EML1: variants seen among roughly 807,000 people sequenced by gnomAD.
EML1 encodes the protein echinoderm microtubule-associated protein-like 1.
A neutral mutation model predicts 110.4 loss-of-function variants in EML1; 27 were observed. That is an observed-to-expected ratio of 0.24 (90% CI 0.18 to 0.34). EML1 has a LOEUF of 0.34. Among genes scored for constraint, EML1 ranks in the 10% least tolerant of loss-of-function variants. The pLI, the probability that EML1 is intolerant of heterozygous loss-of-function variation, is 1.00. For missense variants in EML1, 741 were observed against 1,030.9 expected, an observed-to-expected ratio of 0.72 and a Z score of 3.85; for synonymous variants, 344 against 385.8, an observed-to-expected ratio of 0.89 and a Z score of 1.27.
rs2058722729 is a variant in EML1 at position 99,847,335 on chromosome 14, CT to C, written c.68-3517del. ...CGGTTTATAGTGTTGTTCAAATATT[CT>C]ATGTCTGTACTGGTTTTTTGTTTGT... On this transcript the variant is annotated intron_variant, in intron 1 of 21. Coordinates refer to ENST00000262233, the MANE Select transcript of EML1 (RefSeq NM_004434.3). Among the ~76,000 whole-genome samples the C allele has an allele frequency of 3.9e-5, 6 of 152,056 alleles. 1 individual carries two copies. Among genetic ancestry groups the C allele is most frequent in the African/African-American group, 1.2e-4 (5 of 41,416 alleles).
At chr14:99,817,539 A>G (rs2058189437) in intron 1 of EML1, among the ~76,000 whole-genome samples, 1 of 152,188 alleles carries the variant, frequency 6.6e-6, no homozygotes, top group South Asian at 2.1e-4. Flanking sequence ...GGTGTCACAC[A>G]ACGACAAAGG....
chr14:99,924,496 A>G (rs2060198007), intron 17 of EML1, among the ~76,000 whole-genome samples: 1 of 152,248 alleles, frequency 6.6e-6, no homozygotes, highest in Non-Finnish European at 1.5e-5. Context: ...CAATAATAAT[A>G]AAGTAGAACA....
chr14:99,835,994 G>C (rs1300925077), intron 1 of EML1, among the ~76,000 whole-genome samples: 1 of 152,122 alleles, frequency 6.6e-6, no homozygotes, highest in Non-Finnish European at 1.5e-5. Context: ...CTCTTCTTCA[G>C]TTTTGTGTTG....
chr14:99,910,447 T>A, intron 12 of EML1, 106 bp downstream of exon 12: 1 of 875,798 alleles, frequency 1.1e-6, no homozygotes. Context: ...AGGAGTAGGA[T>A]GAAATTTCAA....
intron 19 of EML1, among the ~76,000 whole-genome samples, chr14:99,937,245 T>A (rs2060491815): frequency 6.6e-6 from 1 of 152,046 alleles, no homozygotes; most frequent in African/African-American, 2.4e-5. Flanking sequence ...CCGTCTCACC[T>A]CCTCCCTGTC....
intron 13 of EML1, among the ~76,000 whole-genome samples, chr14:99,912,262 C>T (rs1221776194): frequency 2.0e-5 from 3 of 152,142 alleles, no homozygotes; most frequent in Non-Finnish European, 2.9e-5. Context: ...GTATCTACTT[C>T]GTACATGGCC....
chr14:99,791,874 T>C (rs542278518), upstream of EML1, among the ~76,000 whole-genome samples: 1 of 152,332 alleles, frequency 6.6e-6, no homozygotes, highest in African/African-American at 2.4e-5. Flanking sequence ...TCCAGTCTTA[T>C]TTCCCACTTG....
At chr14:99,897,913 T>C (rs2059698631) in intron 7 of EML1, among the ~76,000 whole-genome samples, 1 of 152,220 alleles carries the variant, frequency 6.6e-6, no homozygotes, top group African/African-American at 2.4e-5. Context: ...GTATCTTTCC[T>C]ATTTATGTAC....
chr14:99,933,029 T>A (rs1209153598), intron 17 of EML1, among the ~76,000 whole-genome samples: 2 of 150,988 alleles, frequency 1.3e-5, no homozygotes, highest in Non-Finnish European at 3.0e-5. Context: ...ATGGCAGGAG[T>A]CGAGGAGGTC....
intron 8 of EML1, among the ~76,000 whole-genome samples, chr14:99,898,851 T>C (rs1595452667): frequency 6.6e-6 from 1 of 152,264 alleles, no homozygotes; most frequent in East Asian, 1.9e-4. Flanking sequence ...AACAAAGAAT[T>C]CGCTAATTCT....
intron 2 of EML1, among the ~76,000 whole-genome samples, chr14:99,855,474 A>G (rs3783322): frequency 0.37 from 56,655 of 152,018 alleles, 10,693 homozygotes; most frequent in South Asian, 0.5. Flanking sequence ...TTGGAGTTCA[A>G]TCAATCCATT....
At chr14:99,931,307 G>A (rs904278562) in intron 17 of EML1, among the ~76,000 whole-genome samples, 1 of 145,878 alleles carries the variant, frequency 6.9e-6, no homozygotes, top group Non-Finnish European at 1.5e-5. Context: ...AAGCATGCAA[G>A]GATTTCTGTC....
chr14:99,895,170 A>G (rs1243985554), intron 6 of EML1, among the ~76,000 whole-genome samples: 2 of 152,120 alleles, frequency 1.3e-5, no homozygotes, highest in Non-Finnish European at 2.9e-5. Context: ...AATAGTAGTT[A>G]GAAATATATA....
intron 1 of EML1, among the ~76,000 whole-genome samples, chr14:99,818,508 C>T (rs560864114): frequency 1.3e-5 from 2 of 152,218 alleles, no homozygotes; most frequent in Admixed American, 6.5e-5. Flanking sequence ...GATGGCTGCA[C>T]GGTGGTGCTT....
chr14:99,889,594 G>A (rs557832346), intron 4 of EML1, among the ~76,000 whole-genome samples: 16 of 152,306 alleles, frequency 1.1e-4, no homozygotes, highest in South Asian at 6.2e-4. Flanking sequence ...ACATGAATCC[G>A]TACGCACGGC....
rs2060536367 is a variant in EML1, at chr14:99,939,364, T to A, written c.2322+37T>A. The A allele has an allele frequency of 6.2e-7, 1 of 1,612,890 alleles. No individual in the cohort carries two copies. Among genetic ancestry groups the A allele is most frequent in the East Asian group, 2.2e-5 (1 of 44,878 alleles). ...GTTTCTTCACTAATCTTATCCCCCA[T>A]GGGGCATGCACGTACACCCGACCTG... On this transcript the variant is annotated intron_variant, in intron 21 of 21. Coordinates refer to ENST00000262233, the MANE Select transcript of EML1 (RefSeq NM_004434.3). This position sits in a 1 kb window ranked among gnomAD's most constrained non-coding sequence, Gnocchi z 4.2.
chr14:99,741,238 G>C (rs2057038562), intron 1 of EML1, among the ~76,000 whole-genome samples: 1 of 152,210 alleles, frequency 6.6e-6, no homozygotes, highest in South Asian at 2.1e-4. Context: ...CCAGCAGAGT[G>C]ACCCTGTCTC....
At chr14:99,808,835 T>A (rs2058025350) in intron 1 of EML1, among the ~76,000 whole-genome samples, 1 of 152,220 alleles carries the variant, frequency 6.6e-6, no homozygotes. Context: ...CTTTCTAATA[T>A]TTTACAGTTT....
intron 1 of EML1, among the ~76,000 whole-genome samples, chr14:99,754,773 G>T (rs1442048789): frequency 6.6e-6 from 1 of 152,174 alleles, no homozygotes; most frequent in Non-Finnish European, 1.5e-5. Context: ...CACCTATAAC[G>T]TGGGATGAGG....
Sources: gnomAD v4.1 joint callset for allele counts (sites outside exome capture counted in the v4.1 genomes callset) on GRCh38, gnomAD v4.1.1 for gene constraint, Gnocchi (gnomAD v3.1) non-coding constraint, MANE v1.5 for transcripts, NCBI Gene and HGNC (gene_info 2026-07-23, HGNC 2026-07-21) for gene names.